Variants in IL19 observed in about 807,000 individuals in gnomAD.
IL19 encodes interleukin 19.
IL19 carries 15 observed loss-of-function variants against 19.5 expected under a neutral mutation model. The observed-to-expected ratio is 0.77, with a 90% confidence interval of 0.52 to 1.19. The LOEUF is 1.19. Among genes scored for constraint, IL19 ranks in the 50% most tolerant of loss-of-function variants. IL19 has a pLI of 0.00. For missense variants in IL19, 199 were observed against 213.1 expected, an observed-to-expected ratio of 0.93 and a Z score of 0.41; for synonymous variants, 78 against 78.3, an observed-to-expected ratio of 1.00 and a Z score of 0.02.
In IL19 at chr1:206,814,721, C is replaced by CACAG. The variant is rs1433149549; in HGVS notation, c.-3+15718_-3+15719insGACA. On this transcript the variant is annotated intron_variant, in intron 2 of 6. Transcript: ENST00000659997. ...ACACACACACACACACACACACACACACACAATTCACTTTGAACATATGCA... is the reference window on the plus strand; with the variant it reads ...ACACACACACACACACACACACACACACAGACACAATTCACTTTGAACATATGCA... Among the ~76,000 whole-genome samples, 5 of 148,832 alleles carry CACAG rather than the reference C, an allele frequency of 3.4e-5. No individual in the cohort carries two copies. The Middle Eastern group carries it at 0.014, about 405-fold the overall frequency.
intron 1 of IL19, among the ~76,000 whole-genome samples, chr1:206,792,676 C>T (rs1009205746): frequency 3.3e-5 from 5 of 152,078 alleles, no homozygotes; most frequent in African/African-American, 7.2e-5. Flanking sequence ...AGGATGGTCT[C>T]GATCTCCTGA....
intron 2 of IL19, among the ~76,000 whole-genome samples, chr1:206,814,690 TCACACACA>T (rs34474731): frequency 8.5e-5 from 12 of 140,568 alleles, no homozygotes; most frequent in South Asian, 2.3e-4. Flanking sequence ...TGAAACTCTG[TCACACACA>T]CACACACACA....
In IL19 at chr1:206,842,546, C is replaced by G. The variant is rs1442459212; in HGVS notation, c.458C>G (p.Ala153Gly). The change falls in exon 7 of 7, where the codon GCC becomes GGC. Residue 153 changes from alanine (A) to glycine (G), a missense_variant. Physicochemically the swap from Ala to Gly is moderately conservative, Grantham distance 60. Transcript: ENST00000659997. ...NYDQLEVHAA[A>G]IKSLGELDVF... ...TTTCAGCTGGAGGTCCACGCTGCTG[C>G]CATTAAATCCCTGGGAGAGCTCGAC... The G allele has an allele frequency of 6.4e-7, 1 of 1,571,212 alleles. No homozygotes were observed. Among genetic ancestry groups the G allele is most frequent in the Admixed American group, 1.8e-5 (1 of 54,226 alleles).
chr1:206,823,368 A>G (rs1676340599), intron 2 of IL19, among the ~76,000 whole-genome samples: 1 of 151,394 alleles, frequency 6.6e-6, no homozygotes, highest in Non-Finnish European at 1.5e-5. Context: ...CCTGGCAAAC[A>G]TGGTGAAACC....
chr1:206,799,275 C>A (rs1364560794), intron 2 of IL19, among the ~76,000 whole-genome samples: 1 of 152,022 alleles, frequency 6.6e-6, no homozygotes, highest in African/African-American at 2.4e-5. Flanking sequence ...ATACCCCTTC[C>A]CCATCAGCTC....
intron 2 of IL19, among the ~76,000 whole-genome samples, chr1:206,827,767 G>A (rs557927234): frequency 6.6e-6 from 1 of 151,932 alleles, no homozygotes; most frequent in Non-Finnish European, 1.5e-5. Flanking sequence ...TCCCTCATCT[G>A]TAAATGAGAA....
intron 2 of IL19, among the ~76,000 whole-genome samples, chr1:206,817,185 TA>T (rs1166561580): frequency 4.6e-5 from 7 of 152,186 alleles, no homozygotes; most frequent in Non-Finnish European, 1.0e-4. Context: ...TGTTTCATAC[TA>T]ACTCCCCCTG....
In IL19 at chr1:206,770,980, T is replaced by G. The variant is rs1674813773; in HGVS notation, c.-247T>G. 8 of 1,614,100 alleles carry G rather than the reference T, an allele frequency of 5.0e-6. No homozygotes were observed. The East Asian group carries it at 1.6e-4, about 31-fold the overall frequency. On this transcript the variant is annotated 5_prime_UTR_variant, in exon 1 of 7. Coordinates refer to ENST00000659997, the MANE Select transcript of IL19 (RefSeq NM_153758.5). ...GTTCACATGCGCCTTGATGTCTGGG[T>G]CTTGGTTCTCAGCTTGGGGCATCAC...
intron 2 of IL19, among the ~76,000 whole-genome samples, chr1:206,834,844 A>C: frequency 6.6e-6 from 1 of 152,164 alleles, no homozygotes; most frequent in Non-Finnish European, 1.5e-5. Context: ...ACAATGTTGT[A>C]AGTGGGGTGG....
chr1:206,813,605 A>C (rs1676072747), intron 2 of IL19, among the ~76,000 whole-genome samples: 1 of 152,130 alleles, frequency 6.6e-6, no homozygotes, highest in African/African-American at 2.4e-5. Flanking sequence ...TACTGTTTCT[A>C]ATTTTTAATA....
At position 206,810,387 on chromosome 1, in the gene IL19, G is replaced by T. The variant is rs959852790; in HGVS notation, c.-3+11381G>T. ...CTTCCCTGACACAATGTAGAGGAAG[G>T]CATCCAAGACTTAAGGAGGAAGGAA... On this transcript the variant is annotated intron_variant, in intron 2 of 6. Coordinates refer to ENST00000659997, the MANE Select transcript of IL19 (RefSeq NM_153758.5). Among the ~76,000 whole-genome samples the T allele has an allele frequency of 7.2e-5, 11 of 152,336 alleles. No homozygotes were observed. The East Asian group carries it at 1.9e-3, about 27-fold the overall frequency.
chr1:206,790,237 G>A (rs1223896686), intron 1 of IL19, among the ~76,000 whole-genome samples: 2 of 152,100 alleles, frequency 1.3e-5, no homozygotes, highest in African/African-American at 4.8e-5. Context: ...TTTCTGGCTG[G>A]GGTAAGGTGG....
At chr1:206,821,147 C>T (rs1676279800) in intron 2 of IL19, among the ~76,000 whole-genome samples, 1 of 152,204 alleles carries the variant, frequency 6.6e-6, no homozygotes, top group African/African-American at 2.4e-5. Context: ...TGTCATTTTG[C>T]ATTCCCAGAC....
intron 1 of IL19, among the ~76,000 whole-genome samples, chr1:206,781,142 A>G (rs1386639629): frequency 1.3e-5 from 2 of 151,846 alleles, no homozygotes; most frequent in Non-Finnish European, 2.9e-5. Flanking sequence ...CCTTCCAGAA[A>G]CCTTATAAAA....
At chr1:206,831,273 A>G (rs1301610401) in intron 2 of IL19, among the ~76,000 whole-genome samples, 1 of 152,164 alleles carries the variant, frequency 6.6e-6, no homozygotes, top group Non-Finnish European at 1.5e-5. Flanking sequence ...AGCATTCTCC[A>G]TTCTGGCTCG....
At chr1:206,814,690 T>TCACACACACACACACA (rs34474731) in intron 2 of IL19, among the ~76,000 whole-genome samples, 3 of 140,470 alleles carry the variant, frequency 2.1e-5, no homozygotes, top group East Asian at 4.2e-4. Flanking sequence ...TGAAACTCTG[T>TCACACACACACACACA]CACACACACA....
chr1:206,785,903 C>T (rs979512505), intron 1 of IL19, among the ~76,000 whole-genome samples: 2 of 151,792 alleles, frequency 1.3e-5, no homozygotes, highest in African/African-American at 2.4e-5. Flanking sequence ...GACTTACAGA[C>T]ATCTGTACAA....
At chr1:206,816,066 C>T (rs547415566) in intron 2 of IL19, among the ~76,000 whole-genome samples, 12 of 152,136 alleles carry the variant, frequency 7.9e-5, no homozygotes, top group African/African-American at 2.6e-4. Context: ...AAAAACCTGC[C>T]AGCCTAAAAT....
At chr1:206,817,858 G>T (rs1433249033) in intron 2 of IL19, among the ~76,000 whole-genome samples, 1 of 151,888 alleles carries the variant, frequency 6.6e-6, no homozygotes, top group African/African-American at 2.4e-5. Flanking sequence ...CTGCCTTCTG[G>T]GTTCAAGCGA....
Sources: allele counts gnomAD v4.1 joint callset (sites outside exome capture counted in the v4.1 genomes callset), GRCh38; gene constraint gnomAD v4.1.1; transcripts MANE v1.5; gene names NCBI Gene and HGNC (gene_info 2026-07-23, HGNC 2026-07-21).